The following IWS1 variants were observed in gnomAD, a reference collection of about 807,000 sequenced individuals.
IWS1 encodes the protein protein IWS1 homolog.
A neutral mutation model predicts 86.7 loss-of-function variants in IWS1; 27 were observed. The observed-to-expected ratio is 0.31, with a 90% CI of 0.23 to 0.43. The LOEUF is 0.43. Among genes scored for constraint, IWS1 ranks in the 20% least tolerant of loss-of-function variants. IWS1 has a pLI of 1.00. For synonymous variants in IWS1, 313 were observed against 335.1 expected, an observed-to-expected ratio of 0.93 and a Z score of 0.72; for missense variants, 827 against 1,000.8, an observed-to-expected ratio of 0.83 and a Z score of 2.34.
chr2:127,526,165 C>G lies in IWS1; in HGVS notation c.34+10G>C, dbSNP rs758586226. On this transcript the variant is annotated intron_variant, in intron 1 of 13. Transcript: ENST00000295321. ...GCCTCCCAGCCCGGTCCCCCAGGTC[C>G]CTGCCCCACCTGACTGGTCGCCGCT... is the stretch of plus-strand genomic sequence containing the variant. 4.4e-6 allele frequency: 7 copies of G among 1,598,068 alleles called. No homozygotes were observed. The highest frequency in any genetic ancestry group is 1.3e-5 in the African/African-American group (1 of 74,532).
intron 13 of IWS1, among the ~76,000 whole-genome samples, chr2:127,481,452 A>G (rs1022832053): frequency 3.3e-5 from 5 of 150,958 alleles, no homozygotes; most frequent in East Asian, 1.9e-4. Flanking sequence ...AGGGGGGGGG[A>G]AACTGAGACT....
At chr2:127,515,982 A>G (rs1258352994) in intron 2 of IWS1, among the ~76,000 whole-genome samples, 1 of 152,092 alleles carries the variant, frequency 6.6e-6, no homozygotes, top group Non-Finnish European at 1.5e-5. Context: ...CCCAACCCTC[A>G]CTTGCTTAAA....
intron 8 of IWS1, among the ~76,000 whole-genome samples, chr2:127,494,129 C>T (rs1690383716): frequency 6.6e-6 from 1 of 151,594 alleles, no homozygotes; most frequent in Non-Finnish European, 1.5e-5. Flanking sequence ...GGTGTGGTGG[C>T]TCACACCTGT....
intron 7 of IWS1, 91 bp downstream of exon 7, chr2:127,495,907 A>G: frequency 2.7e-6 from 3 of 1,117,320 alleles, no homozygotes; most frequent in Non-Finnish European, 3.7e-6. Flanking sequence ...AAGCATCTTA[A>G]TTGTAGTTTA....
At chr2:127,492,126 C>T (rs533077010) in intron 9 of IWS1, 38 bp from the exon 10 acceptor site, 14 of 1,340,432 alleles carry the variant, frequency 1.0e-5, no homozygotes, top group Admixed American at 8.5e-5. Context: ...ATTAATCACT[C>T]GGAAGCTGGG....
At position 127,488,299 on chromosome 2, in the gene IWS1, A is replaced by G. The variant is rs76336044; in HGVS notation, c.2216+880T>C. Among the ~76,000 whole-genome samples the G allele has an allele frequency of 5.7e-3, 861 of 152,322 alleles. 9 individuals are homozygous for G. The highest frequency in any genetic ancestry group is 0.019 in the African/African-American group (807 of 41,560). On this transcript the variant is annotated intron_variant, in intron 12 of 13. Transcript: ENST00000295321. ...TCTCTAGCCCAAACATCTCTTTACAAGTTCTAGACCCATAATATTTATAGG... is the reference window on the plus strand; with the variant it reads ...TCTCTAGCCCAAACATCTCTTTACAGGTTCTAGACCCATAATATTTATAGG...
At chr2:127,512,694 T>G (rs1007691558) in intron 2 of IWS1, among the ~76,000 whole-genome samples, 3 of 152,226 alleles carry the variant, frequency 2.0e-5, no homozygotes, top group African/African-American at 7.2e-5. Context: ...TCTTGGCTAC[T>G]AAGCCCATCC....
rs1164009520 is a variant in IWS1 at position 127,526,417 on chromosome 2, G to C, written c.-209C>G. The C allele has an allele frequency of 1.3e-6, 2 of 1,536,210 alleles. No homozygotes were observed. Among genetic ancestry groups the C allele is most frequent in the Non-Finnish European group, 1.7e-6 (2 of 1,145,310 alleles). Reference sequence around the variant, plus strand: ...CCGGCGGAAAAGGCCGTACCCGGCAGGCTGGCGGGCGGGCAGGCATGCGAG... The same window carrying C: ...CCGGCGGAAAAGGCCGTACCCGGCACGCTGGCGGGCGGGCAGGCATGCGAG... On this transcript the variant is annotated 5_prime_UTR_variant, in exon 1 of 14. Coordinates refer to ENST00000295321, the MANE Select transcript of IWS1 (RefSeq NM_017969.3).
chr2:127,498,085 T>A, intron 6 of IWS1, 55 bp downstream of exon 6: 1 of 1,357,460 alleles, frequency 7.4e-7, no homozygotes, highest in Admixed American at 1.8e-5. Flanking sequence ...AGTTTAATAG[T>A]CTCTACCTTG....
intron 13 of IWS1, among the ~76,000 whole-genome samples, chr2:127,483,625 C>A (rs777560): frequency 2.2e-5 from 1 of 44,878 alleles, no homozygotes; most frequent in African/African-American, 9.1e-5. Flanking sequence ...TGTGTGTGTG[C>A]GTGTGCGTGT....
Position 127,489,440 on chromosome 2 carries a change from G to C in IWS1, c.2160-205C>G, listed in dbSNP as rs772804883. The C allele has an allele frequency of 1.8e-6, 1 of 566,370 alleles. No individual in the cohort carries two copies. Among genetic ancestry groups the C allele is most frequent in the Admixed American group, 3.3e-5 (1 of 30,060 alleles). The allele number at this position is 566,370 out of a possible 1,614,324, so 35.1% of individuals were successfully genotyped here. Reference sequence around the variant, plus strand: ...GTTTCCTTGTGGATGAGCCGTAATTGCCACATTTGTAACTAATGACCCTGT... The same window carrying C: ...GTTTCCTTGTGGATGAGCCGTAATTCCCACATTTGTAACTAATGACCCTGT... On this transcript the variant is annotated intron_variant, in intron 11 of 13. Transcript: ENST00000295321. This position sits in a 1 kb window ranked among gnomAD's most constrained non-coding sequence, Gnocchi z 4.8.
chr2:127,486,914 T>C (rs1411895873), intron 12 of IWS1, among the ~76,000 whole-genome samples: 1 of 152,216 alleles, frequency 6.6e-6, no homozygotes, highest in Non-Finnish European at 1.5e-5. Context: ...ATGAATCCTT[T>C]TCTCCTCTCC....
At position 127,503,499 on chromosome 2, in the gene IWS1, C is replaced by G; in HGVS notation, c.1297G>C (p.Glu433Gln). Residue 433 changes from glutamate (E) to glutamine (Q), a missense_variant, in exon 4 of 14, where the codon GAG (glutamate) becomes CAG (glutamine). Around this residue, in one of 2 missense-constraint regions of IWS1, gnomAD observed 548 missense variants for 560.2 expected, o/e 0.98. Coordinates refer to ENST00000295321, the MANE Select transcript of IWS1 (RefSeq NM_017969.3). ...DAVSDKSGKR[E>Q]KTIASDSEEE... ...TCACTGTCAGATGCTATGGTCTTCT[C>G]TCTTTTGCCTGACTTGTCTGATACA... is the stretch of plus-strand genomic sequence containing the variant. 1 of 1,613,704 alleles carries G rather than the reference C, an allele frequency of 6.2e-7. No individual in the cohort carries two copies. The highest frequency in any genetic ancestry group is 8.5e-7 in the Non-Finnish European group (1 of 1,179,840).
chr2:127,491,923 C>A, intron 10 of IWS1, 48 bp downstream of exon 10: 1 of 1,095,022 alleles, frequency 9.1e-7, no homozygotes, highest in South Asian at 1.2e-5. Flanking sequence ...GCATCTCTCT[C>A]TTATCTATAC....
At position 127,524,181 on chromosome 2, in the gene IWS1, G is replaced by T. The variant is rs911189536; in HGVS notation, c.35-390C>A. On this transcript the variant is annotated intron_variant, in intron 1 of 13. Transcript: ENST00000295321. ...CTTCACCTGAAAGAAAATGCCACAA[G>T]AATAGGGATTTTGGTTCACTGCTAA... 2.0e-5 allele frequency among the ~76,000 whole-genome samples: 3 copies of T among 152,280 alleles called. No individual in the cohort carries two copies. In the East Asian group the frequency reaches 5.8e-4, roughly 29 times the overall value.
intron 2 of IWS1, among the ~76,000 whole-genome samples, chr2:127,508,415 G>A (rs1463842733): frequency 1.3e-5 from 2 of 152,182 alleles, no homozygotes; most frequent in East Asian, 3.8e-4. Context: ...GAGTTAAGAC[G>A]GGAGGGTGGG....
At chr2:127,503,354 A>G (rs1229113544) in intron 4 of IWS1, 33 bp downstream of exon 4, 1 of 1,535,102 alleles carries the variant, frequency 6.5e-7, no homozygotes, top group African/African-American at 1.4e-5. Context: ...CTAATTAAGA[A>G]CCCCTGAAAA....
At chr2:127,483,165 T>G (rs1309990054) in intron 13 of IWS1, among the ~76,000 whole-genome samples, 1 of 152,262 alleles carries the variant, frequency 6.6e-6, no homozygotes, top group Non-Finnish European at 1.5e-5. Context: ...TTATGCTTTC[T>G]GTATTTTTAA....
intron 1 of IWS1, among the ~76,000 whole-genome samples, chr2:127,524,851 T>G (rs1223380982): frequency 6.7e-6 from 1 of 149,826 alleles, no homozygotes; most frequent in African/African-American, 2.5e-5. Context: ...AAAAAACTAT[T>G]CTGAAAGTAT....
Sources: gnomAD v4.1 joint callset for allele counts (sites outside exome capture counted in the v4.1 genomes callset) on GRCh38, gnomAD v4.1.1 for gene constraint, gnomAD v4.1.1 regional missense constraint, Gnocchi (gnomAD v3.1) non-coding constraint, MANE v1.5 for transcripts, NCBI Gene and HGNC (gene_info 2026-07-23, HGNC 2026-07-21) for gene names.